The following IDE variants were observed in gnomAD, a reference collection of about 807,000 sequenced individuals.
IDE encodes insulin degrading enzyme, also known as insulin-degrading enzyme.
Under a neutral mutation model 133.2 loss-of-function variants are expected in IDE, and 58 were observed. The observed-to-expected ratio is 0.44, with a 90% CI of 0.35 to 0.54. The LOEUF is 0.54. Ranked by LOEUF, IDE falls within the 20% of genes least tolerant of loss-of-function variation. The probability of loss-of-function intolerance (pLI) is 0.00; values close to 1 mark genes in which losing one functional copy is unlikely to be tolerated. For synonymous variants in IDE, 396 were observed against 421.3 expected (o/e 0.94, Z 0.73); for missense variants, 981 against 1,234.0 (o/e 0.79, Z 3.07).
At position 92,539,766 on chromosome 10, in the gene IDE, GA is replaced by G. The variant is rs560626742; in HGVS notation, c.99-2217del. On this transcript the variant is annotated intron_variant, in intron 1 of 24. Coordinates refer to ENST00000265986, the MANE Select transcript of IDE (RefSeq NM_004969.4). ...CGACAGAGTGAGATCCTGTCTCAAA[GA>G]AAAAAAAAAATTATTTTCTTTCTCA... 4.8e-4 allele frequency among the ~76,000 whole-genome samples: 69 copies of G among 142,550 alleles called. 1 individual carries two copies. Among genetic ancestry groups the G allele is most frequent in the South Asian group, 8.8e-4 (4 of 4,538 alleles). The allele number at this position is 142,550 out of a possible 152,430, so 93.5% of individuals were successfully genotyped here. A position where few individuals can be genotyped will look rare whatever the true frequency, so the allele number is the denominator to read the frequency against.
At chr10:92,563,384 G>C (rs1240611529) in intron 1 of IDE, among the ~76,000 whole-genome samples, 1 of 151,816 alleles carries the variant, frequency 6.6e-6, no homozygotes, top group Admixed American at 6.6e-5. Flanking sequence ...TCTGGGATGC[G>C]GAGTTTGCAG....
At chr10:92,472,960 T>C (rs1264918830) in intron 17 of IDE, among the ~76,000 whole-genome samples, 1 of 144,442 alleles carries the variant, frequency 6.9e-6, no homozygotes, top group Non-Finnish European at 1.5e-5. Context: ...TTTTTTTTTT[T>C]AGACAAGAGT....
chr10:92,469,816 G>A (rs1038004932), intron 18 of IDE, among the ~76,000 whole-genome samples: 2 of 152,018 alleles, frequency 1.3e-5, no homozygotes, highest in Non-Finnish European at 2.9e-5. Context: ...CACACATGAC[G>A]TAGGTGCTAC....
At position 92,454,182 on chromosome 10, in the gene IDE, T is replaced by C; in HGVS notation, c.*262A>G. On this transcript the variant is annotated 3_prime_UTR_variant, in exon 25 of 25. Transcript: ENST00000265986. ...GGAATATCATTCATTTTAAGCATTGTTATATTGGGGAAATTTCTCTCAGTA... is the reference window on the plus strand; with the variant it reads ...GGAATATCATTCATTTTAAGCATTGCTATATTGGGGAAATTTCTCTCAGTA... 1 of 301,168 alleles carries C rather than the reference T, an allele frequency of 3.3e-6. No individual in the cohort carries two copies. The highest frequency in any genetic ancestry group is 5.5e-5 in the South Asian group (1 of 18,334). 18.7% of individuals were successfully genotyped at this position (301,168 alleles called of 1,614,324 possible). A position where few individuals can be genotyped will look rare whatever the true frequency, so the allele number is the denominator to read the frequency against.
rs760461540 is a variant in IDE at position 92,503,719 on chromosome 10, C to CTT, written c.1430+1073_1430+1074dup. Among the ~76,000 whole-genome samples, 685 of 138,840 alleles carry CTT rather than the reference C, an allele frequency of 4.9e-3. 7 individuals are homozygous for CTT. Among genetic ancestry groups the CTT allele is most frequent in the African/African-American group, 0.017 (644 of 37,936 alleles). 91.1% of individuals were successfully genotyped at this position (138,840 alleles called of 152,430 possible). On this transcript the variant is annotated intron_variant, in intron 11 of 24. Transcript: ENST00000265986. ...TGATAGGATAGTTCTGTCAAAAAGA[C>CTT]TTTTTTTTTTTTTTTTGAGACGGAG...
At chr10:92,458,307 C>A (rs1162735747) in intron 22 of IDE, among the ~76,000 whole-genome samples, 4 of 152,042 alleles carry the variant, frequency 2.6e-5, no homozygotes, top group African/African-American at 9.7e-5. Context: ...TGTGGGACTT[C>A]TTATAATTTC....
At chr10:92,464,353 C>A (rs1234374711) in intron 20 of IDE, among the ~76,000 whole-genome samples, 14 of 152,182 alleles carry the variant, frequency 9.2e-5, no homozygotes. Flanking sequence ...ATTTTCATCC[C>A]TTAGTGACAG....
At chr10:92,572,045 T>C (rs1408277756) in intron 1 of IDE, among the ~76,000 whole-genome samples, 1 of 152,244 alleles carries the variant, frequency 6.6e-6, no homozygotes, top group East Asian at 1.9e-4. Flanking sequence ...ATCTCATTCA[T>C]TATGCTTTGA....
chr10:92,533,498 C>T (rs904546041), intron 3 of IDE, among the ~76,000 whole-genome samples: 3 of 152,014 alleles, frequency 2.0e-5, no homozygotes, highest in African/African-American at 7.3e-5. Flanking sequence ...CCGACAGTGA[C>T]TAAAACTGCC....
At chr10:92,548,460 C>G (rs566006591) in intron 1 of IDE, among the ~76,000 whole-genome samples, 32 of 150,294 alleles carry the variant, frequency 2.1e-4, no homozygotes, top group Non-Finnish European at 4.1e-4. Context: ...ACTCAGACAA[C>G]CTTTCACAGA....
chr10:92,519,153 T>G (rs2135587584), intron 4 of IDE, among the ~76,000 whole-genome samples: 1 of 152,346 alleles, frequency 6.6e-6, no homozygotes, highest in East Asian at 1.9e-4. Context: ...TCTTGGCTTC[T>G]GAGTGAATCA....
intron 3 of IDE, among the ~76,000 whole-genome samples, chr10:92,532,901 C>T (rs1850021303): frequency 6.6e-6 from 1 of 152,200 alleles, no homozygotes; most frequent in South Asian, 2.1e-4. Flanking sequence ...ATTATCATTA[C>T]TTGTTATTTA....
intron 14 of IDE, among the ~76,000 whole-genome samples, chr10:92,482,559 G>C (rs907752813): frequency 1.3e-5 from 2 of 152,110 alleles, no homozygotes; most frequent in African/African-American, 4.8e-5. Context: ...ACAAGTTCCA[G>C]GAATACAAAG....
chr10:92,552,045 A>T (rs1842808634), intron 1 of IDE, among the ~76,000 whole-genome samples: 1 of 151,892 alleles, frequency 6.6e-6, no homozygotes, highest in Admixed American at 6.6e-5. Flanking sequence ...ACCAACCATG[A>T]TGGGGGGGTG....
rs151208561 is a variant in IDE, at chr10:92,537,506, T to C, written c.143A>G (p.Lys48Arg). Reference protein sequence around the residue: ...TYSKMNNPAIKRIGNHITKSP... With the variant: ...TYSKMNNPAIRRIGNHITKSP... The stretch of plus-strand genomic sequence containing the variant: ...CTTGGTAATGTGATTTCCTATTCTC[T>C]TGATGGCTGGATTATTCATTTTGCT... Residue 48 changes from lysine to arginine, a missense_variant, in exon 2 of 25, where the codon AAG (lysine) becomes AGG (arginine). This residue lies in a region of IDE where 321 missense variants were observed against 339.3 expected (regional missense o/e 0.95). Transcript: ENST00000265986. The C allele has an allele frequency of 2.4e-5, 38 of 1,610,894 alleles. No individual in the cohort carries two copies. The African/African-American group carries it at 3.6e-4, about 15-fold the overall frequency.
intron 16 of IDE, 99 bp from the exon 17 acceptor site, chr10:92,475,060 T>G: frequency 1.2e-6 from 1 of 836,810 alleles, no homozygotes; most frequent in Non-Finnish European, 1.8e-6. Flanking sequence ...TAAACTGTAT[T>G]ACTAGGATAT....
At chr10:92,573,880 G>A (rs2135871204) in intron 1 of IDE, 42 bp downstream of exon 1, 1 of 1,353,874 alleles carries the variant, frequency 7.4e-7, no homozygotes. Context: ...AAACCGCTGT[G>A]ACCCACGGGG....
chr10:92,493,612 G>A (rs1358303673), intron 11 of IDE, among the ~76,000 whole-genome samples: 1 of 151,858 alleles, frequency 6.6e-6, no homozygotes, highest in Non-Finnish European at 1.5e-5. Context: ...AGGGGAAAAA[G>A]GCAGACTCAT....
At chr10:92,502,589 G>A (rs957882288) in intron 11 of IDE, among the ~76,000 whole-genome samples, 7 of 152,142 alleles carry the variant, frequency 4.6e-5, no homozygotes, top group South Asian at 2.1e-4. Context: ...ATGTGTATCA[G>A]TGCATATATC....
Sources: gnomAD v4.1 joint callset for allele counts (sites outside exome capture counted in the v4.1 genomes callset) on GRCh38, gnomAD v4.1.1 for gene constraint, gnomAD v4.1.1 regional missense constraint, MANE v1.5 for transcripts, NCBI Gene and HGNC (gene_info 2026-07-23, HGNC 2026-07-21) for gene names.